The following NBEAL2 variants were observed in gnomAD, a reference collection of about 807,000 sequenced individuals.
The protein encoded by NBEAL2 is neurobeachin like 2.
In NBEAL2, 160 loss-of-function variants were observed where a neutral mutation model predicts 299.8. That is an observed-to-expected ratio of 0.53 (90% CI 0.47 to 0.61). The LOEUF (loss-of-function observed/expected upper bound fraction) is 0.61, where lower values mean the gene tolerates loss of function less well. Among genes scored for constraint, NBEAL2 ranks in the 20% least tolerant of loss-of-function variants. The pLI is 0.00. For synonymous variants in NBEAL2, 1,493 were observed against 1,542.3 expected (o/e 0.97, Z 0.75); for missense variants, 3,112 against 3,649.0 (o/e 0.85, Z 3.79).
rs1002128223 is a variant in NBEAL2 at position 46,989,417 on chromosome 3, G to A, written c.473+36G>A. On this transcript the variant is annotated intron_variant, in intron 5 of 53. Coordinates refer to ENST00000450053, the MANE Select transcript of NBEAL2 (RefSeq NM_015175.3). The surrounding 1 kb of genome is among the most constrained non-coding windows in gnomAD (Gnocchi z 5.5). ...GCCCACAGGAAGGGAACCCAGAGGA[G>A]GGTGGGGAGAGGATGGCCGCGCTGG... 1.8e-5 allele frequency: 28 copies of A among 1,567,568 alleles called. No homozygotes were observed. The highest frequency in any genetic ancestry group is 2.3e-5 in the Non-Finnish European group (27 of 1,156,224).
At position 47,005,967 on chromosome 3, in the gene NBEAL2, C is replaced by T; in HGVS notation, c.6823C>T (p.His2275Tyr). The change falls in exon 43 of 54, where the codon CAC becomes TAC. Residue 2275 changes from histidine to tyrosine, a missense_variant. Transcript: ENST00000450053. ...QALESEYVSA[H>Y]LHEWIDLIFG... ...TCAGGAGTCGGAGTATGTGTCTGCACACCTACACGAGTGGATCGACCTCAT... is the reference window on the plus strand; with the variant it reads ...TCAGGAGTCGGAGTATGTGTCTGCATACCTACACGAGTGGATCGACCTCAT... 1 of 1,613,734 alleles carries T rather than the reference C, an allele frequency of 6.2e-7. No individual in the cohort carries two copies. Among genetic ancestry groups the T allele is most frequent in the Non-Finnish European group, 8.5e-7 (1 of 1,179,892 alleles).
At position 47,004,827 on chromosome 3, in the gene NBEAL2, CCTT is replaced by C. The variant is rs2037302914; in HGVS notation, c.6295-142_6295-140del. The C allele has an allele frequency of 3.2e-6, 4 of 1,264,476 alleles. No individual in the cohort carries two copies. The East Asian group carries it at 7.6e-5, about 24-fold the overall frequency. 78.3% of individuals were successfully genotyped at this position (1,264,476 alleles called of 1,614,324 possible). Reference sequence around the variant, plus strand: ...GGAATCCTGTTCCAGGACACTCTGTCCTTCTCCCCTGTGACCCCTCTAAGTGGT... The same window carrying C: ...GGAATCCTGTTCCAGGACACTCTGTCCTCCCCTGTGACCCCTCTAAGTGGT... On this transcript the variant is annotated intron_variant, in intron 38 of 53. Coordinates refer to ENST00000450053, the MANE Select transcript of NBEAL2 (RefSeq NM_015175.3). The surrounding 1 kb of genome is among the most constrained non-coding windows in gnomAD (Gnocchi z 5.0).
chr3:46,997,719 G>A, intron 20 of NBEAL2, 25 bp downstream of exon 20: 2 of 1,470,608 alleles, frequency 1.4e-6, no homozygotes, highest in Non-Finnish European at 9.0e-7. Context: ...GACAGGCATG[G>A]GGGTTAGGGG....
Position 47,003,265 on chromosome 3 carries a change from G to A in NBEAL2, c.5676G>A (p.Gln1892=). The change falls in exon 35 of 54, where the codon CAG becomes CAA. Residue 1892 remains glutamine, a synonymous_variant. Transcript: ENST00000450053. The surrounding 1 kb of genome is among the most constrained non-coding windows in gnomAD (Gnocchi z 7.0). ...TGAGCACCCCACCCGAGTTGCTGCA[G>A]GAGGACCAGCTCGGCGAGGACGAGC... is the stretch of plus-strand genomic sequence containing the variant. ...AKVSTPPELL[Q]EDQLGEDELA... 2 of 1,613,210 alleles carry A rather than the reference G, an allele frequency of 1.2e-6. No homozygotes were observed.
rs1311063184 is a variant in NBEAL2, at chr3:46,995,251, C to A, written c.1516C>A (p.Leu506Ile). Residue 506 changes from leucine (L) to isoleucine (I), a missense_variant, in exon 13 of 54, where the codon CTA (leucine) becomes ATA (isoleucine). Leu to Ile is a conservative substitution (Grantham distance 5). Coordinates refer to ENST00000450053, the MANE Select transcript of NBEAL2 (RefSeq NM_015175.3). ...GCLLETLSTGLALEARCQEQL... is the reference protein window; with the variant it reads ...GCLLETLSTGIALEARCQEQL... Reference sequence around the variant, plus strand: ...CCTGTTGGAGACACTCAGCACAGGGCTAGCCCTGGAGGCCCGCTGCCAAGA... The same window carrying A: ...CCTGTTGGAGACACTCAGCACAGGGATAGCCCTGGAGGCCCGCTGCCAAGA... The A allele has an allele frequency of 8.3e-6, 13 of 1,557,924 alleles. No homozygotes were observed. Among genetic ancestry groups the A allele is most frequent in the Non-Finnish European group, 1.0e-5 (12 of 1,151,604 alleles).
rs1352725867 is a variant in NBEAL2 at position 47,001,273 on chromosome 3, C to T, written c.4485-6C>T. On this transcript the variant is annotated splice_region_variant and splice_polypyrimidine_tract_variant and intron_variant, in intron 28 of 53. Transcript: ENST00000450053. This position sits in a 1 kb window ranked among gnomAD's most constrained non-coding sequence, Gnocchi z 6.1. ...TAGACCCTTGAGTTCCCCACTCACCCGCCAGCCTCCTGGAGATGATGCTGG... is the reference window on the plus strand; with the variant it reads ...TAGACCCTTGAGTTCCCCACTCACCTGCCAGCCTCCTGGAGATGATGCTGG... 3 of 1,602,354 alleles carry T rather than the reference C, an allele frequency of 1.9e-6. No homozygotes were observed. Among genetic ancestry groups the T allele is most frequent in the Non-Finnish European group, 2.6e-6 (3 of 1,170,972 alleles).
Position 46,980,270 on chromosome 3 carries a change from G to A in NBEAL2, c.51+358G>A, listed in dbSNP as rs1284021150. The stretch of plus-strand genomic sequence containing the variant: ...GGAAACTGAGACCTGGAGAGACCTG[G>A]AGACTGGCCAGGAGGCTAGGGGGAG... On this transcript the variant is annotated intron_variant, in intron 1 of 53. Coordinates refer to ENST00000450053, the MANE Select transcript of NBEAL2 (RefSeq NM_015175.3). Among the ~76,000 whole-genome samples, 6 of 152,358 alleles carry A rather than the reference G, an allele frequency of 3.9e-5. No individual in the cohort carries two copies. The East Asian group carries it at 9.7e-4, about 25-fold the overall frequency.
In NBEAL2 at chr3:46,997,030, A is replaced by T; in HGVS notation, c.2633A>T (p.Glu878Val). Residue 878 changes from glutamate (E) to valine (V), a missense_variant, in exon 18 of 54, where the codon GAG becomes GTG. By Grantham distance (121) the Glu-to-Val change is moderately radical. Transcript: ENST00000450053. ...LDGRLTGHRV[E>V]TWDVKDVVNC... ...GGGCGCCTGACGGGCCACAGAGTGG[A>T]GACCTGGGATGTGAAGGTCTGTGAG... The T allele has an allele frequency of 6.2e-7, 1 of 1,613,120 alleles. No individual in the cohort carries two copies. Among genetic ancestry groups the T allele is most frequent in the Non-Finnish European group, 8.5e-7 (1 of 1,179,652 alleles).
rs2036901960 is a variant in NBEAL2, at chr3:47,000,603, T to C, written c.4305+199T>C. ...AGGGCTCCTGGAACAGGGTGAGTCATGATGAGCCACAGTGGGTGACACCAG... is the reference window on the plus strand; with the variant it reads ...AGGGCTCCTGGAACAGGGTGAGTCACGATGAGCCACAGTGGGTGACACCAG... On this transcript the variant is annotated intron_variant, in intron 27 of 53. Coordinates refer to ENST00000450053, the MANE Select transcript of NBEAL2 (RefSeq NM_015175.3). The surrounding 1 kb of genome is among the most constrained non-coding windows in gnomAD (Gnocchi z 4.5). Among the ~76,000 whole-genome samples the C allele has an allele frequency of 6.6e-6, 1 of 152,090 alleles. No homozygotes were observed. The highest frequency in any genetic ancestry group is 2.1e-4 in the South Asian group (1 of 4,818).
At chr3:46,992,678 T>C in intron 10 of NBEAL2, 123 bp downstream of exon 10, 1 of 923,028 alleles carries the variant, frequency 1.1e-6, no homozygotes, top group South Asian at 1.6e-5. Context: ...GAAATGGGTG[T>C]GGGTCCTCCA....
At position 46,991,676 on chromosome 3, in the gene NBEAL2, G is replaced by A. The variant is rs1317847353; in HGVS notation, c.913G>A (p.Val305Ile). 6 of 1,597,468 alleles carry A rather than the reference G, an allele frequency of 3.8e-6. No individual in the cohort carries two copies. The highest frequency in any genetic ancestry group is 4.2e-6 in the Non-Finnish European group (5 of 1,178,268). ...GPEEALVTLR[V>I]SMLDAIPMML... Reference sequence around the variant, plus strand: ...CGAAGAGGCCCTTGTCACCCTCCGGGTCAGCATGCTCGGTGGGTATGGGCT... The same window carrying A: ...CGAAGAGGCCCTTGTCACCCTCCGGATCAGCATGCTCGGTGGGTATGGGCT... Residue 305 changes from valine (V) to isoleucine (I), a missense_variant, in exon 8 of 54, where the codon GTC becomes ATC. By Grantham distance (29) the Val-to-Ile change is conservative. Around this residue, in one of 3 missense-constraint regions of NBEAL2, gnomAD observed 2,243 missense variants for 2,538.1 expected, o/e 0.88. Transcript: ENST00000450053. This position sits in a 1 kb window ranked among gnomAD's most constrained non-coding sequence, Gnocchi z 6.2.
At chr3:46,998,253 C>G (rs767485063) in intron 21 of NBEAL2, 27 bp downstream of exon 21, 30 of 1,601,594 alleles carry the variant, frequency 1.9e-5, no homozygotes, top group African/African-American at 2.7e-5. Context: ...GAGCAAGGGG[C>G]CGGCCATAGG....
chr3:46,997,451 C>CTTACCTGAACACCAGG lies in NBEAL2; in HGVS notation c.2824+19_2824+20insTACCTGAACACCAGGT. ...ATCTTCAGGTAAGTGTTCCTGGTGC[C>CTTACCTGAACACCAGG]TATGTTGTGGAGAGGGAATCTTGGC... On this transcript the variant is annotated intron_variant, in intron 19 of 53. Coordinates refer to ENST00000450053, the MANE Select transcript of NBEAL2 (RefSeq NM_015175.3). The CTTACCTGAACACCAGG allele has an allele frequency of 6.2e-7, 1 of 1,605,158 alleles. No homozygotes were observed. Among genetic ancestry groups the CTTACCTGAACACCAGG allele is most frequent in the South Asian group, 1.1e-5 (1 of 90,902 alleles).
chr3:46,998,338 C>G, intron 21 of NBEAL2, 112 bp downstream of exon 21: 3 of 1,515,254 alleles, frequency 2.0e-6, no homozygotes, highest in Non-Finnish European at 2.7e-6. Context: ...TCCAGAATGC[C>G]ATGGGGCGGC....
Position 47,004,542 on chromosome 3 carries a change from C to T in NBEAL2, c.6246C>T (p.Leu2082=). 6.2e-7 allele frequency: 1 copy of T among 1,613,834 alleles called. No individual in the cohort carries two copies. The highest frequency in any genetic ancestry group is 1.1e-5 in the South Asian group (1 of 91,082). ...EISNFEYLMQ[L]NTIAGRTYND... ...CCAACTTCGAGTACTTGATGCAACT[C>T]AACACCATTGCGGGGCGGACCTACA... Residue 2082 remains leucine, a synonymous_variant, in exon 38 of 54, where the codon CTC becomes CTT. Transcript: ENST00000450053. The surrounding 1 kb of genome is among the most constrained non-coding windows in gnomAD (Gnocchi z 5.0).
Position 47,009,214 on chromosome 3 carries a change from A to G in NBEAL2, c.8164-5A>G, listed in dbSNP as rs2037704124. On this transcript the variant is annotated splice_region_variant and splice_polypyrimidine_tract_variant and intron_variant, in intron 53 of 53. Coordinates refer to ENST00000450053, the MANE Select transcript of NBEAL2 (RefSeq NM_015175.3). ...CTGATCCTACTCAACCCTTACGCCC[A>G]CCAGGTGCGCAGCAGCCAGTTCGCG... 4 of 1,591,022 alleles carry G rather than the reference A, an allele frequency of 2.5e-6. No individual in the cohort carries two copies. The highest frequency in any genetic ancestry group is 3.4e-6 in the Non-Finnish European group (4 of 1,170,580).
rs1172495975 is a variant in NBEAL2 at position 47,009,506 on chromosome 3, C to T, written c.*186C>T. ...GGATTGGCGGGCGGAAGTCCCGCCC[C>T]TCGCCGGCTGAGGGGCCGCCCTGAG... On this transcript the variant is annotated 3_prime_UTR_variant, in exon 54 of 54. Transcript: ENST00000450053. 2 of 638,936 alleles carry T rather than the reference C, an allele frequency of 3.1e-6. No homozygotes were observed. Among genetic ancestry groups the T allele is most frequent in the African/African-American group, 1.9e-5 (1 of 52,530 alleles). 39.6% of individuals were successfully genotyped at this position (638,936 alleles called of 1,614,324 possible). A position where few individuals can be genotyped will look rare whatever the true frequency, so the allele number is the denominator to read the frequency against.
In NBEAL2 at chr3:46,995,462, G is replaced by T. The variant is rs777573317; in HGVS notation, c.1727G>T (p.Arg576Leu). 6.2e-7 allele frequency: 1 copy of T among 1,612,872 alleles called. No individual in the cohort carries two copies. Among genetic ancestry groups the T allele is most frequent in the Non-Finnish European group, 8.5e-7 (1 of 1,179,892 alleles). Reference sequence around the variant, plus strand: ...ATGGCCAGGCACCAGGGTCCTGCACGTGCTCTGCGCTACTTTGACCTCACG... The same window carrying T: ...ATGGCCAGGCACCAGGGTCCTGCACTTGCTCTGCGCTACTTTGACCTCACG... ...SGMARHQGPARALRYFDLTPS... is the reference protein window; with the variant it reads ...SGMARHQGPALALRYFDLTPS... The change falls in exon 13 of 54, where the codon CGT becomes CTT. Residue 576 changes from arginine to leucine, a missense_variant. Transcript: ENST00000450053.
rs759295133 is a variant in NBEAL2 at position 47,009,022 on chromosome 3, G to A, written c.8061G>A (p.Lys2687=). 5.0e-6 allele frequency: 8 copies of A among 1,600,774 alleles called. No homozygotes were observed. In the Admixed American group the frequency reaches 1.3e-4, roughly 27 times the overall value. ...LLPAAPPLPM[K]VAIRSVAVTK... Reference sequence around the variant, plus strand: ...CGGCCGCGCCTCCCTTGCCCATGAAGGTGGCCATCCGCAGCGTGGCCGTGA... The same window carrying A: ...CGGCCGCGCCTCCCTTGCCCATGAAAGTGGCCATCCGCAGCGTGGCCGTGA... Residue 2687 remains lysine (K), a synonymous_variant, in exon 53 of 54, where the codon AAG becomes AAA. Transcript: ENST00000450053.
Sources: gnomAD v4.1 joint callset for allele counts (sites outside exome capture counted in the v4.1 genomes callset) on GRCh38, gnomAD v4.1.1 for gene constraint, gnomAD v4.1.1 regional missense constraint, Gnocchi (gnomAD v3.1) non-coding constraint, MANE v1.5 for transcripts, NCBI Gene and HGNC (gene_info 2026-07-23, HGNC 2026-07-21) for gene names.